The following NARS2 variants were observed in gnomAD, a reference collection of about 807,000 sequenced individuals.
NARS2 encodes asparaginyl-tRNA synthetase.
Under a neutral mutation model 62.9 loss-of-function variants are expected in NARS2, and 60 were observed. That is an observed-to-expected ratio of 0.95 (90% CI 0.77 to 1.18). The LOEUF (loss-of-function observed/expected upper bound fraction) is 1.18, where lower values mean the gene tolerates loss of function less well. Ranked by LOEUF, NARS2 falls within the 50% of genes most tolerant of loss-of-function variation. The probability of loss-of-function intolerance (pLI) is 0.00; values close to 1 mark genes in which losing one functional copy is unlikely to be tolerated. For missense variants in NARS2, 619 were observed against 576.4 expected, an observed-to-expected ratio of 1.07 and a Z score of -0.76; for synonymous variants, 196 against 200.0, an observed-to-expected ratio of 0.98 and a Z score of 0.17.
chr11:78,458,008 T>C (rs1858235715), intron 11 of NARS2, among the ~76,000 whole-genome samples: 1 of 152,150 alleles, frequency 6.6e-6, no homozygotes, highest in Admixed American at 6.6e-5. Context: ...GGTTAGTAGA[T>C]ACAAAATTAT....
chr11:78,469,751 C>T (rs193285569), intron 9 of NARS2, among the ~76,000 whole-genome samples: 11 of 148,262 alleles, frequency 7.4e-5, no homozygotes, highest in African/African-American at 2.2e-4. Context: ...TGTGCGTGCG[C>T]GCATGTGTGT....
At chr11:78,441,039 C>T (rs961755695) in intron 13 of NARS2, 52 bp downstream of exon 13, 1 of 1,558,262 alleles carries the variant, frequency 6.4e-7, no homozygotes, top group Admixed American at 1.8e-5. Flanking sequence ...CGCTTCTAGG[C>T]AACAGTCAGA....
intron 11 of NARS2, among the ~76,000 whole-genome samples, chr11:78,448,319 C>CT (rs72450922): frequency 0.084 from 11,903 of 140,936 alleles, 1,120 homozygotes; most frequent in African/African-American, 0.23. Flanking sequence ...GTAGTAATCA[C>CT]TTTTTTTTTT....
At chr11:78,547,666 C>T (rs1452440460) in intron 5 of NARS2, among the ~76,000 whole-genome samples, 5 of 151,912 alleles carry the variant, frequency 3.3e-5, no homozygotes, top group African/African-American at 1.2e-4. Flanking sequence ...AACTCTGACT[C>T]TACTAAAAAC....
intron 5 of NARS2, among the ~76,000 whole-genome samples, chr11:78,547,576 G>A (rs970808153): frequency 1.3e-5 from 2 of 152,114 alleles, no homozygotes; most frequent in Non-Finnish European, 2.9e-5. Context: ...GGTGGCTCAC[G>A]CCTGTAATCC....
chr11:78,545,770 G>A (rs1029796707), intron 5 of NARS2, among the ~76,000 whole-genome samples: 1 of 152,030 alleles, frequency 6.6e-6, no homozygotes, highest in African/African-American at 2.4e-5. Context: ...CTGGCCTCAA[G>A]TGATATATAC....
intron 5 of NARS2, among the ~76,000 whole-genome samples, chr11:78,555,878 T>C (rs11237546): frequency 0.65 from 98,458 of 152,058 alleles, 35,251 homozygotes; most frequent in Non-Finnish European, 0.81. Flanking sequence ...TGGTACGTTG[T>C]ATCTTTGTTC....
chr11:78,444,438 G>A (rs1178407571), intron 11 of NARS2, among the ~76,000 whole-genome samples: 1 of 152,068 alleles, frequency 6.6e-6, no homozygotes, highest in Non-Finnish European at 1.5e-5. Flanking sequence ...GATGATGGCT[G>A]GGCACAGTAG....
chr11:78,503,540 A>T (rs1860367277), intron 6 of NARS2, among the ~76,000 whole-genome samples: 1 of 152,204 alleles, frequency 6.6e-6, no homozygotes, highest in African/African-American at 2.4e-5. Context: ...GCCCAGCCTG[A>T]TCTAGCTCTT....
chr11:78,556,095 T>C (rs1295262602), intron 5 of NARS2, among the ~76,000 whole-genome samples: 1 of 152,164 alleles, frequency 6.6e-6, no homozygotes, highest in Non-Finnish European at 1.5e-5. Context: ...TTATATCCAA[T>C]TATGTGGTTG....
In NARS2 at chr11:78,436,790, T is replaced by C; in HGVS notation, c.1314A>G (p.Gly438=). 2 of 1,614,138 alleles carry C rather than the reference T, an allele frequency of 1.2e-6. No individual in the cohort carries two copies. Among genetic ancestry groups the C allele is most frequent in the Non-Finnish European group, 1.7e-6 (2 of 1,180,004 alleles). The change falls in exon 14 of 14, where the codon GGA becomes GGG. Residue 438 remains glycine (G), a synonymous_variant. Transcript: ENST00000281038. ...TCCCAAAACCTCCATGTGGCACAGA[T>C]CCAAATCGACGAAGGTCCAGATACC... ...YQWYLDLRRF[G]SVPHGGFGMG...
At chr11:78,548,884 T>A (rs1423100463) in intron 5 of NARS2, among the ~76,000 whole-genome samples, 4 of 152,120 alleles carry the variant, frequency 2.6e-5, no homozygotes, top group Non-Finnish European at 5.9e-5. Context: ...TTCAAAAAAA[T>A]CTACTAAAGC....
chr11:78,554,508 C>CAT (rs1555041423), intron 5 of NARS2, among the ~76,000 whole-genome samples: 1 of 146,914 alleles, frequency 6.8e-6, no homozygotes, highest in Admixed American at 6.8e-5. Context: ...GGCGTGTGTG[C>CAT]GTGTGTGTGT....
chr11:78,480,694 T>TG (rs11347548), intron 7 of NARS2, among the ~76,000 whole-genome samples: 54 of 149,686 alleles, frequency 3.6e-4, no homozygotes, highest in East Asian at 9.8e-4. Flanking sequence ...ACAACTAATT[T>TG]GGGGGGGGTG....
intron 5 of NARS2, among the ~76,000 whole-genome samples, chr11:78,531,875 G>C (rs900674289): frequency 1.2e-4 from 18 of 152,092 alleles, no homozygotes; most frequent in African/African-American, 4.3e-4. Flanking sequence ...TTGTGTAGAG[G>C]GGAAAATGGG....
intron 2 of NARS2, among the ~76,000 whole-genome samples, chr11:78,571,018 T>C (rs941482753): frequency 2.6e-5 from 4 of 152,132 alleles, no homozygotes; most frequent in Non-Finnish European, 4.4e-5. Flanking sequence ...AGAGGCTGTA[T>C]TGGGCAGAGG....
Position 78,436,430 on chromosome 11 carries a change from A to G in NARS2, c.*240T>C. 2.3e-6 allele frequency: 1 copy of G among 431,288 alleles called. No individual in the cohort carries two copies. Among genetic ancestry groups the G allele is most frequent in the Non-Finnish European group, 4.2e-6 (1 of 240,398 alleles). The allele number at this position is 431,288 out of a possible 1,614,324, so 26.7% of individuals were successfully genotyped here. ...ATTTCTTCATTTCTTAATTGAGGTA[A>G]TGGATTTGAGAGTCCCCTTGCTATA... is the stretch of plus-strand genomic sequence containing the variant. On this transcript the variant is annotated 3_prime_UTR_variant, in exon 14 of 14. Transcript: ENST00000281038.
chr11:78,486,726 C>G (rs1284795741), intron 7 of NARS2, among the ~76,000 whole-genome samples: 1 of 152,008 alleles, frequency 6.6e-6, no homozygotes, highest in Non-Finnish European at 1.5e-5. Flanking sequence ...ACCGGACATA[C>G]AAAGAACCAG....
intron 11 of NARS2, among the ~76,000 whole-genome samples, chr11:78,446,907 A>G (rs1239595357): frequency 6.6e-6 from 1 of 152,150 alleles, no homozygotes; most frequent in East Asian, 1.9e-4. Flanking sequence ...TGAAGAGACA[A>G]CTCAAAGAAT....
Sources: gnomAD v4.1 joint callset for allele counts (sites outside exome capture counted in the v4.1 genomes callset) on GRCh38, gnomAD v4.1.1 for gene constraint, MANE v1.5 for transcripts, NCBI Gene and HGNC (gene_info 2026-07-23, HGNC 2026-07-21) for gene names.